The following LRMDA variants were observed in gnomAD, a reference collection of about 807,000 sequenced individuals.
LRMDA encodes leucine rich melanocyte differentiation associated.
A neutral mutation model predicts 29.8 loss-of-function variants in LRMDA; 18 were observed. The ratio of observed to expected loss-of-function variants is 0.60; its 90% confidence interval spans 0.42 to 0.90. LRMDA has a LOEUF of 0.90. Ranked by LOEUF, LRMDA falls within the 40% of genes least tolerant of loss-of-function variation. The pLI, the probability that LRMDA is intolerant of heterozygous loss-of-function variation, is 0.00. For missense variants in LRMDA, 273 were observed against 273.9 expected (o/e 1.00, Z 0.02); for synonymous variants, 125 against 109.4 (o/e 1.14, Z -0.89).
At chr10:75,869,872 A>C (rs981805906) in intron 2 of LRMDA, among the ~76,000 whole-genome samples, 2 of 152,020 alleles carry the variant, frequency 1.3e-5, no homozygotes, top group Non-Finnish European at 2.9e-5. Context: ...ATGTGTCTTC[A>C]ACTCTCCCTC....
At chr10:75,714,857 C>T (rs58384755) in intron 2 of LRMDA, among the ~76,000 whole-genome samples, 44 of 131,734 alleles carry the variant, frequency 3.3e-4, no homozygotes, top group Non-Finnish European at 4.8e-4. Context: ...CTCCCTCCCT[C>T]CCTTCCTTCC....
intron 2 of LRMDA, among the ~76,000 whole-genome samples, chr10:75,652,808 T>A (rs1473786021): frequency 6.6e-6 from 1 of 152,328 alleles, no homozygotes; most frequent in East Asian, 1.9e-4. Context: ...TCTGAGCCCA[T>A]TAATGCCTGT....
intron 5 of LRMDA, among the ~76,000 whole-genome samples, chr10:76,307,471 G>T (rs1267350649): frequency 4.6e-5 from 7 of 152,070 alleles, no homozygotes; most frequent in Non-Finnish European, 1.0e-4. Context: ...TGGCCTCTTT[G>T]GTGTCCACTA....
intron 2 of LRMDA, among the ~76,000 whole-genome samples, chr10:75,867,248 C>T (rs763483552): frequency 3.0e-4 from 45 of 152,110 alleles, no homozygotes; most frequent in Non-Finnish European, 4.9e-4. Context: ...CTGCAACCTC[C>T]GCCTCCTAGG....
At chr10:75,715,143 C>T (rs576958001) in intron 2 of LRMDA, among the ~76,000 whole-genome samples, 13 of 152,208 alleles carry the variant, frequency 8.5e-5, no homozygotes, top group South Asian at 2.1e-4. Flanking sequence ...TGAGGGGCTG[C>T]GGTACGTGCG....
intron 2 of LRMDA, among the ~76,000 whole-genome samples, chr10:75,484,986 T>C (rs920901457): frequency 6.6e-6 from 1 of 152,220 alleles, no homozygotes; most frequent in Non-Finnish European, 1.5e-5. Flanking sequence ...CTATTTAAAA[T>C]ATTTTCCTAT....
At position 75,802,965 on chromosome 10, in the gene LRMDA, T is replaced by C. The variant is rs909978655; in HGVS notation, c.132-233043T>C. ...GTGTGTGTGTGTGTGTATATATATA[T>C]ATATATATTTTTTTTTTTTTCTTAG... is the stretch of plus-strand genomic sequence containing the variant. On this transcript the variant is annotated intron_variant, in intron 2 of 6. Transcript: ENST00000611255. Among the ~76,000 whole-genome samples, 789 of 127,882 alleles carry C rather than the reference T, an allele frequency of 6.2e-3. 5 individuals carry two copies. Among genetic ancestry groups the C allele is most frequent in the African/African-American group, 0.027 (753 of 27,640 alleles). The allele number at this position is 127,882 out of a possible 152,430, so 83.9% of individuals were successfully genotyped here.
chr10:76,187,457 A>G (rs977453860), intron 5 of LRMDA, among the ~76,000 whole-genome samples: 3 of 152,172 alleles, frequency 2.0e-5, no homozygotes, highest in Admixed American at 2.0e-4. Context: ...AAAATAGTGG[A>G]GTCAGAGTGG....
At chr10:75,863,120 A>C (rs1219275443) in intron 2 of LRMDA, among the ~76,000 whole-genome samples, 8 of 152,154 alleles carry the variant, frequency 5.3e-5, no homozygotes, top group Non-Finnish European at 1.5e-5. Context: ...GTTATGTTAT[A>C]TTTATGAGAT....
At chr10:75,643,403 C>A (rs977227846) in intron 2 of LRMDA, among the ~76,000 whole-genome samples, 1 of 152,324 alleles carries the variant, frequency 6.6e-6, no homozygotes, top group Non-Finnish European at 1.5e-5. Flanking sequence ...CTCTTCCAGG[C>A]TCCAAGCGCA....
chr10:75,480,891 G>C (rs148625838), intron 2 of LRMDA, among the ~76,000 whole-genome samples: 1 of 152,150 alleles, frequency 6.6e-6, no homozygotes, highest in Non-Finnish European at 1.5e-5. Context: ...TATTTGTGTT[G>C]AGTGGATGTG....
At chr10:76,166,136 G>C (rs1237162906) in intron 5 of LRMDA, among the ~76,000 whole-genome samples, 1 of 152,170 alleles carries the variant, frequency 6.6e-6, no homozygotes, top group Non-Finnish European at 1.5e-5. Flanking sequence ...CCGATGTGAA[G>C]GGCAATTTAT....
intron 5 of LRMDA, among the ~76,000 whole-genome samples, chr10:76,264,063 C>T (rs1259063604): frequency 6.6e-6 from 1 of 152,086 alleles, no homozygotes; most frequent in Non-Finnish European, 1.5e-5. Context: ...TTTTATTCCC[C>T]CTTTTAGCAG....
intron 2 of LRMDA, among the ~76,000 whole-genome samples, chr10:75,784,642 T>A (rs1376264658): frequency 6.8e-6 from 1 of 147,586 alleles, no homozygotes; most frequent in African/African-American, 2.5e-5. Context: ...GAGCTTGCAG[T>A]GAGTGAGCAG....
intron 2 of LRMDA, among the ~76,000 whole-genome samples, chr10:75,985,862 G>A (rs1260241513): frequency 6.6e-6 from 1 of 152,222 alleles, no homozygotes; most frequent in Non-Finnish European, 1.5e-5. Flanking sequence ...GAGAAGAGCT[G>A]TTGATGTGAT....
chr10:75,443,836 A>G (rs529728467), intron 2 of LRMDA, among the ~76,000 whole-genome samples: 14 of 152,164 alleles, frequency 9.2e-5, no homozygotes, highest in African/African-American at 3.4e-4. Context: ...TTGTTGGGAG[A>G]TTTTTGATTA....
intron 2 of LRMDA, among the ~76,000 whole-genome samples, chr10:75,476,781 C>G (rs1488982260): frequency 1.3e-5 from 2 of 152,186 alleles, no homozygotes; most frequent in African/African-American, 4.8e-5. Context: ...TAACAAAATA[C>G]CACAGACTTG....
At chr10:76,444,532 C>T (rs1049496759) in intron 6 of LRMDA, among the ~76,000 whole-genome samples, 7 of 152,170 alleles carry the variant, frequency 4.6e-5, no homozygotes, top group African/African-American at 1.4e-4. Context: ...ATTTGATGGC[C>T]TGCAGCCCAG....
chr10:76,479,114 G>A (rs17381773), intron 6 of LRMDA, among the ~76,000 whole-genome samples: 45,351 of 151,434 alleles, frequency 0.3, 7,302 homozygotes, highest in Non-Finnish European at 0.36. Flanking sequence ...AAATTAGAAT[G>A]AAAGGTTTCA....
Sources: gnomAD v4.1 joint callset for allele counts (sites outside exome capture counted in the v4.1 genomes callset) on GRCh38, gnomAD v4.1.1 for gene constraint, MANE v1.5 for transcripts, NCBI Gene and HGNC (gene_info 2026-07-23, HGNC 2026-07-21) for gene names.